PIK3CB: variants seen among roughly 807,000 people sequenced by gnomAD.
PIK3CB encodes phosphatidylinositol 4,5-bisphosphate 3-kinase catalytic subunit beta isoform.
Under a neutral mutation model 136.8 loss-of-function variants are expected in PIK3CB, and 39 were observed. The ratio of observed to expected loss-of-function variants is 0.29; its 90% CI spans 0.22 to 0.37. PIK3CB has a LOEUF of 0.37. Ranked by LOEUF, PIK3CB falls within the 10% of genes least tolerant of loss-of-function variation. The pLI, the probability that PIK3CB is intolerant of heterozygous loss-of-function variation, is 1.00. For missense variants in PIK3CB, 868 were observed against 1,275.4 expected (o/e 0.68, Z 4.87); for synonymous variants, 428 against 436.6 (o/e 0.98, Z 0.25).
At chr3:138,722,261 T>G (rs2044744621) in intron 8 of PIK3CB, among the ~76,000 whole-genome samples, 1 of 149,130 alleles carries the variant, frequency 6.7e-6, no homozygotes, top group Non-Finnish European at 1.5e-5. Flanking sequence ...CACACACGTG[T>G]GTAGGCTCAC....
intron 1 of PIK3CB, among the ~76,000 whole-genome samples, chr3:138,803,729 G>C (rs1172061643): frequency 2.6e-5 from 4 of 152,116 alleles, no homozygotes; most frequent in Admixed American, 2.6e-4. Context: ...GAAGGCACTA[G>C]GGAAGTCACT....
At chr3:138,683,915 T>A (rs3730062) in intron 17 of PIK3CB, 128 bp from the exon 18 acceptor site, 8 of 610,920 alleles carry the variant, frequency 1.3e-5, no homozygotes, top group Non-Finnish European at 2.0e-5. Context: ...AGAGTCAGAC[T>A]TAGAAGAGTC....
chr3:138,664,163 A>G, intron 20 of PIK3CB, 134 bp from the exon 21 acceptor site: 1 of 999,920 alleles, frequency 1.0e-6, no homozygotes, highest in East Asian at 2.7e-5. Flanking sequence ...ATGAGAGAAC[A>G]TGTGGATCAG....
intron 2 of PIK3CB, among the ~76,000 whole-genome samples, chr3:138,763,728 C>T (rs1489652898): frequency 1.3e-5 from 2 of 152,174 alleles, no homozygotes; most frequent in Non-Finnish European, 2.9e-5. Flanking sequence ...TGCATCTCAC[C>T]AGCACTCCCA....
chr3:138,659,869 T>C (rs892177142), intron 21 of PIK3CB, among the ~76,000 whole-genome samples: 7 of 45,798 alleles, frequency 1.5e-4, no homozygotes, highest in African/African-American at 4.1e-4. Context: ...TCCTCTTCTT[T>C]TTTTTTTTTT....
Position 138,692,600 on chromosome 3 carries a change from G to A in PIK3CB, c.1893-1457C>T, listed in dbSNP as rs1354475616. 2.0e-5 allele frequency among the ~76,000 whole-genome samples: 3 copies of A among 152,146 alleles called. 1 individual carries two copies. The highest frequency in any genetic ancestry group is 2.9e-5 in the Non-Finnish European group (2 of 68,016). ...GTAAAAAATAGAAAGTATAGGAATA[G>A]GAAGCTGTTTCCTCTTCTCTCACAT... is the stretch of plus-strand genomic sequence containing the variant. On this transcript the variant is annotated intron_variant, in intron 14 of 23. Coordinates refer to ENST00000674063, the MANE Select transcript of PIK3CB (RefSeq NM_006219.3).
intron 19 of PIK3CB, among the ~76,000 whole-genome samples, chr3:138,665,577 C>A (rs199903746): frequency 2.0e-5 from 3 of 152,190 alleles, no homozygotes; most frequent in Admixed American, 1.3e-4. Context: ...ATGTGCCAGA[C>A]TAGCCACTAT....
chr3:138,766,740 T>C (rs145960496), intron 2 of PIK3CB, among the ~76,000 whole-genome samples: 1 of 152,340 alleles, frequency 6.6e-6, no homozygotes, highest in East Asian at 1.9e-4. Context: ...ATTCTAATGA[T>C]TCAGCAACAT....
At chr3:138,688,603 A>G (rs1248707968) in intron 16 of PIK3CB, among the ~76,000 whole-genome samples, 1 of 151,998 alleles carries the variant, frequency 6.6e-6, no homozygotes, top group Non-Finnish European at 1.5e-5. Context: ...AATGCCGAGT[A>G]ATTATTTTTC....
At chr3:138,707,439 T>A in intron 10 of PIK3CB, 150 bp from the exon 11 acceptor site, 2 of 1,368,566 alleles carry the variant, frequency 1.5e-6, no homozygotes, top group Non-Finnish European at 1.9e-6. Flanking sequence ...ATCCTCTAAT[T>A]TTCTGTTAAT....
At chr3:138,817,987 G>C (rs981215085) in intron 1 of PIK3CB, among the ~76,000 whole-genome samples, 1 of 152,010 alleles carries the variant, frequency 6.6e-6, no homozygotes, top group Non-Finnish European at 1.5e-5. Flanking sequence ...TTAAATAATT[G>C]AGCTTAAGTC....
chr3:138,720,219 C>T (rs361061), intron 8 of PIK3CB, among the ~76,000 whole-genome samples: 74,424 of 151,982 alleles, frequency 0.49, 20,731 homozygotes, highest in East Asian at 0.98. Flanking sequence ...CACAATCTCA[C>T]GATGCCACCC....
At chr3:138,750,239 T>C (rs2045443400) in intron 4 of PIK3CB, among the ~76,000 whole-genome samples, 1 of 150,424 alleles carries the variant, frequency 6.6e-6, no homozygotes, top group Non-Finnish European at 1.5e-5. Flanking sequence ...AATTAGCATA[T>C]CTATCACCTC....
chr3:138,725,722 T>A (rs2044822594), intron 8 of PIK3CB, among the ~76,000 whole-genome samples: 1 of 152,230 alleles, frequency 6.6e-6, no homozygotes, highest in Admixed American at 6.5e-5. Flanking sequence ...TGGCTGAAAC[T>A]TTCTCCCTCT....
At chr3:138,716,565 C>A (rs1263468944) in intron 8 of PIK3CB, among the ~76,000 whole-genome samples, 1 of 151,984 alleles carries the variant, frequency 6.6e-6, no homozygotes, top group African/African-American at 2.4e-5. Context: ...CAGTATAACG[C>A]AACATACCAT....
rs1168911534 is a variant in PIK3CB, at chr3:138,759,195, G to C, written c.149C>G (p.Ala50Gly). ...IYIQLEVPREATISYIKQMLW... is the reference protein window; with the variant it reads ...IYIQLEVPREGTISYIKQMLW... ...TACCTGCTTAATATAAGAAATGGTA[G>C]CTTCCCGAGGTACCTCCAACTGGAT... The change falls in exon 3 of 24, where the codon GCT becomes GGT. Residue 50 changes from alanine to glycine, a missense_variant. Transcript: ENST00000674063. The C allele has an allele frequency of 1.9e-6, 3 of 1,608,900 alleles. No individual in the cohort carries two copies. The highest frequency in any genetic ancestry group is 3.3e-5 in the Admixed American group (2 of 59,870).
At chr3:138,737,670 T>C (rs537115120) in intron 6 of PIK3CB, 37 bp downstream of exon 6, 11 of 1,003,408 alleles carry the variant, frequency 1.1e-5, no homozygotes, top group Admixed American at 4.9e-5. Context: ...TATATACTCA[T>C]AGACTTTTCT....
intron 2 of PIK3CB, chr3:138,777,884 G>A (rs1179660085): frequency 4.0e-6 from 1 of 250,342 alleles, no homozygotes; most frequent in Non-Finnish European, 8.1e-6. Flanking sequence ...TGGTCACCAA[G>A]GCTGCTTTTA....
At chr3:138,687,837 A>G (rs187969732) in intron 16 of PIK3CB, among the ~76,000 whole-genome samples, 25 of 152,292 alleles carry the variant, frequency 1.6e-4, no homozygotes, top group African/African-American at 5.8e-4. Flanking sequence ...ACGGGGTACA[A>G]TTTAGATAGT....
Sources: allele counts gnomAD v4.1 joint callset (sites outside exome capture counted in the v4.1 genomes callset), GRCh38; gene constraint gnomAD v4.1.1; transcripts MANE v1.5; gene names NCBI Gene and HGNC (gene_info 2026-07-23, HGNC 2026-07-21).